The following AUTS2 variants were observed in gnomAD, a reference collection of about 807,000 sequenced individuals.
AUTS2 encodes autism susceptibility gene 2 protein.
Under a neutral mutation model 112.4 loss-of-function variants are expected in AUTS2, and 17 were observed. That is an observed-to-expected ratio of 0.15 (90% CI 0.10 to 0.23). The LOEUF is 0.23. AUTS2 is among the 10% of genes least tolerant of loss of function. AUTS2 has a pLI of 1.00. For missense variants in AUTS2, 1,510 were observed against 1,701.6 expected (o/e 0.89, Z 1.98); for synonymous variants, 751 against 702.7 (o/e 1.07, Z -1.09).
chr7:70,445,711 AT>A (rs1196210009), intron 5 of AUTS2, among the ~76,000 whole-genome samples: 2 of 152,302 alleles, frequency 1.3e-5, no homozygotes, highest in East Asian at 3.9e-4. Context: ...CATGAACCAT[AT>A]TTGGACACAG....
At chr7:69,898,458 C>G (rs1464246986) in intron 1 of AUTS2, among the ~76,000 whole-genome samples, 1 of 152,074 alleles carries the variant, frequency 6.6e-6, no homozygotes, top group Non-Finnish European at 1.5e-5. Flanking sequence ...GTGACTTACT[C>G]CACTTCTGAT....
intron 2 of AUTS2, among the ~76,000 whole-genome samples, chr7:70,101,079 T>A (rs553942761): frequency 6.6e-6 from 1 of 152,082 alleles, no homozygotes; most frequent in Non-Finnish European, 1.5e-5. Flanking sequence ...GGTTTCACCA[T>A]GTTGGCCAGG....
chr7:70,106,404 A>G (rs1405793542), intron 2 of AUTS2, among the ~76,000 whole-genome samples: 2 of 152,190 alleles, frequency 1.3e-5, no homozygotes, highest in Non-Finnish European at 2.9e-5. Context: ...TGGACGTCAT[A>G]TGAATGATTC....
chr7:70,717,706 G>C (rs949159320), intron 6 of AUTS2, among the ~76,000 whole-genome samples: 3 of 152,116 alleles, frequency 2.0e-5, no homozygotes, highest in African/African-American at 7.2e-5. Context: ...TCAAGCCCTC[G>C]CCAGCCTCTT....
intron 2 of AUTS2, among the ~76,000 whole-genome samples, chr7:70,006,925 A>T (rs1441038412): frequency 6.6e-6 from 1 of 152,176 alleles, no homozygotes; most frequent in Non-Finnish European, 1.5e-5. Context: ...GAGATTTCTG[A>T]TCAAGATTTC....
intron 1 of AUTS2, among the ~76,000 whole-genome samples, chr7:69,732,465 G>C (rs1358787972): frequency 6.6e-6 from 1 of 152,076 alleles, no homozygotes; most frequent in Non-Finnish European, 1.5e-5. Flanking sequence ...ACAATGGAGT[G>C]CTGGCTCTGT....
chr7:69,668,434 C>G (rs1377232149), intron 1 of AUTS2, among the ~76,000 whole-genome samples: 1 of 152,184 alleles, frequency 6.6e-6, no homozygotes, highest in African/African-American at 2.4e-5. Flanking sequence ...TCTATCAAAA[C>G]AGGCCCACAT....
chr7:70,586,938 T>A (rs1802714627), intron 5 of AUTS2, among the ~76,000 whole-genome samples: 1 of 152,222 alleles, frequency 6.6e-6, no homozygotes. Context: ...TTGATGTCTG[T>A]TTTCAAACAT....
At chr7:70,237,290 T>C (rs1444523279) in intron 4 of AUTS2, among the ~76,000 whole-genome samples, 3 of 152,236 alleles carry the variant, frequency 2.0e-5, no homozygotes, top group Admixed American at 1.3e-4. Flanking sequence ...TCATTGTCAC[T>C]GCCACAATTA....
chr7:70,284,885 C>A (rs1430047098), intron 4 of AUTS2, among the ~76,000 whole-genome samples: 1 of 152,282 alleles, frequency 6.6e-6, no homozygotes, highest in East Asian at 1.9e-4. Context: ...ATACTGAAAT[C>A]AAAAACTCTA....
At chr7:70,098,500 G>T (rs957110782) in intron 2 of AUTS2, among the ~76,000 whole-genome samples, 1 of 152,084 alleles carries the variant, frequency 6.6e-6, no homozygotes, top group African/African-American at 2.4e-5. Context: ...GTTTATTACA[G>T]CAGAGCCATG....
At chr7:70,111,991 G>T (rs1805112112) in intron 2 of AUTS2, among the ~76,000 whole-genome samples, 1 of 151,592 alleles carries the variant, frequency 6.6e-6, no homozygotes, top group Non-Finnish European at 1.5e-5. Context: ...CTCATTTTTA[G>T]AATTCTCTTC....
At chr7:70,074,866 C>T (rs1802953469) in intron 2 of AUTS2, among the ~76,000 whole-genome samples, 1 of 152,176 alleles carries the variant, frequency 6.6e-6, no homozygotes, top group Non-Finnish European at 1.5e-5. Context: ...TGTAACCAAT[C>T]CCCAAATTTG....
At chr7:69,906,110 G>A (rs1795140268) in intron 2 of AUTS2, among the ~76,000 whole-genome samples, 1 of 152,214 alleles carries the variant, frequency 6.6e-6, no homozygotes, top group African/African-American at 2.4e-5. Context: ...AGTGATTGAA[G>A]AATGAGGGAG....
rs907514668 is a variant in AUTS2 at position 70,282,056 on chromosome 7, G to C, written c.660+147485G>C. Among the ~76,000 whole-genome samples, 8 of 151,672 alleles carry C rather than the reference G, an allele frequency of 5.3e-5. No homozygotes were observed. The South Asian group carries it at 1.5e-3, about 28-fold the overall frequency. Reference sequence around the variant, plus strand: ...GATAATTTTGAGTTCTTGGAGCAATGCTCATTGATTACAATGTGTGTGTGC... The same window carrying C: ...GATAATTTTGAGTTCTTGGAGCAATCCTCATTGATTACAATGTGTGTGTGC... On this transcript the variant is annotated intron_variant, in intron 4 of 18. Transcript: ENST00000342771.
intron 2 of AUTS2, among the ~76,000 whole-genome samples, chr7:70,038,852 G>T (rs987886434): frequency 1.3e-5 from 2 of 152,010 alleles, no homozygotes; most frequent in Admixed American, 1.3e-4. Flanking sequence ...TCTGCCTCCC[G>T]GGTTCAAACA....
intron 1 of AUTS2, among the ~76,000 whole-genome samples, chr7:69,895,277 G>T (rs149477311): frequency 2.6e-5 from 4 of 152,184 alleles, no homozygotes; most frequent in African/African-American, 7.2e-5. Context: ...AAATTAAATA[G>T]TTATTTTACT....
chr7:70,191,184 T>TTTTTTTTC (rs1809866512), intron 4 of AUTS2, among the ~76,000 whole-genome samples: 1 of 144,348 alleles, frequency 6.9e-6, no homozygotes, highest in South Asian at 2.3e-4. Context: ...TTTTTTTTTT[T>TTTTTTTTC]TTGAGACAGA....
At chr7:70,336,602 T>C (rs963512893) in intron 4 of AUTS2, among the ~76,000 whole-genome samples, 4 of 152,212 alleles carry the variant, frequency 2.6e-5, no homozygotes, top group African/African-American at 9.7e-5. Flanking sequence ...TTATATCAAT[T>C]AGCTATGATG....
Sources: allele counts gnomAD v4.1 joint callset (sites outside exome capture counted in the v4.1 genomes callset), GRCh38; gene constraint gnomAD v4.1.1; transcripts MANE v1.5; gene names NCBI Gene and HGNC (gene_info 2026-07-23, HGNC 2026-07-21).